FTO: variants seen among roughly 807,000 people sequenced by gnomAD.
FTO encodes FTO alpha-ketoglutarate dependent dioxygenase, also known as alpha-ketoglutarate-dependent dioxygenase FTO.
Under a neutral mutation model 63.9 loss-of-function variants are expected in FTO, and 47 were observed. The ratio of observed to expected loss-of-function variants is 0.74; its 90% CI spans 0.58 to 0.94. The LOEUF is 0.94. Among genes scored for constraint, FTO ranks in the 40% least tolerant of loss-of-function variants. FTO has a pLI of 0.00. For missense variants in FTO, 562 were observed against 618.1 expected (o/e 0.91, Z 0.96); for synonymous variants, 207 against 224.4 (o/e 0.92, Z 0.69).
intron 1 of FTO, among the ~76,000 whole-genome samples, chr16:53,716,017 A>G (rs980347260): frequency 3.3e-5 from 5 of 152,194 alleles, no homozygotes; most frequent in Non-Finnish European, 5.9e-5. Flanking sequence ...AAATAATTAT[A>G]ATAATGCAGT....
intron 1 of FTO, among the ~76,000 whole-genome samples, chr16:53,799,089 TA>T (rs776511919): frequency 9.9e-5 from 15 of 152,164 alleles, no homozygotes; most frequent in Non-Finnish European, 1.8e-4. Flanking sequence ...GGTTATTATA[TA>T]TTGTCCTTTT....
At chr16:54,094,076 G>A (rs1051269609) in intron 8 of FTO, among the ~76,000 whole-genome samples, 1 of 152,128 alleles carries the variant, frequency 6.6e-6, no homozygotes, top group African/African-American at 2.4e-5. Flanking sequence ...AGGAATGACA[G>A]ACCCACGCTT....
chr16:54,086,768 A>G (rs2086262267), intron 8 of FTO, among the ~76,000 whole-genome samples: 1 of 152,222 alleles, frequency 6.6e-6, no homozygotes, highest in African/African-American at 2.4e-5. Flanking sequence ...TCTTACAGTA[A>G]TTTGGACACA....
At chr16:54,091,995 G>T (rs1212631153) in intron 8 of FTO, among the ~76,000 whole-genome samples, 2 of 152,212 alleles carry the variant, frequency 1.3e-5, no homozygotes, top group Non-Finnish European at 2.9e-5. Context: ...AAAGAAAAAG[G>T]GCTGGGCACT....
chr16:53,856,401 A>G (rs914632707), intron 4 of FTO, among the ~76,000 whole-genome samples: 4 of 150,812 alleles, frequency 2.7e-5, no homozygotes, highest in African/African-American at 9.8e-5. Flanking sequence ...AATAAATAGG[A>G]CAGCACACAG....
chr16:53,841,820 C>G (rs2079486542), intron 3 of FTO, among the ~76,000 whole-genome samples: 1 of 152,146 alleles, frequency 6.6e-6, no homozygotes, highest in Non-Finnish European at 1.5e-5. Context: ...AGCTTTGCAT[C>G]TTTTTGTCTT....
intron 1 of FTO, among the ~76,000 whole-genome samples, chr16:53,753,264 A>C (rs189110231): frequency 0.035 from 5,254 of 151,468 alleles, 118 homozygotes; most frequent in Middle Eastern, 0.068. Context: ...AAAAAAAAAA[A>C]AAAACAAAAC....
intron 3 of FTO, among the ~76,000 whole-genome samples, chr16:53,835,508 G>A (rs1037640895): frequency 6.6e-6 from 1 of 151,968 alleles, no homozygotes; most frequent in African/African-American, 2.4e-5. Context: ...TTTTTTTTCA[G>A]AATCGTAGTG....
intron 7 of FTO, among the ~76,000 whole-genome samples, chr16:53,907,227 T>C (rs2081561700): frequency 6.6e-6 from 1 of 152,214 alleles, no homozygotes; most frequent in Non-Finnish European, 1.5e-5. Flanking sequence ...ATACCTAACC[T>C]ACCCAACATC....
chr16:53,878,159 G>A (rs1048504646), intron 5 of FTO, among the ~76,000 whole-genome samples: 3 of 150,040 alleles, frequency 2.0e-5, no homozygotes, highest in Non-Finnish European at 2.9e-5. Context: ...TTAGCTGGGC[G>A]TGGTGGTGCA....
intron 2 of FTO, among the ~76,000 whole-genome samples, chr16:53,825,024 C>T (rs1567331114): frequency 6.6e-6 from 1 of 152,174 alleles, no homozygotes; most frequent in Admixed American, 6.5e-5. Flanking sequence ...TCCAGTGACA[C>T]CAGTAGAATT....
chr16:53,816,031 G>A (rs913737938), intron 2 of FTO, among the ~76,000 whole-genome samples: 11 of 151,950 alleles, frequency 7.2e-5, no homozygotes, highest in South Asian at 2.1e-4. Flanking sequence ...ATAAACTCTC[G>A]TCATAGGGAG....
At chr16:53,714,288 A>C (rs2075843016) in intron 1 of FTO, among the ~76,000 whole-genome samples, 1 of 152,210 alleles carries the variant, frequency 6.6e-6, no homozygotes, top group South Asian at 2.1e-4. Context: ...TGGATCATTC[A>C]AGGCTGAGCC....
intron 1 of FTO, among the ~76,000 whole-genome samples, chr16:53,770,301 G>A (rs2077305234): frequency 6.6e-6 from 1 of 152,072 alleles, no homozygotes; most frequent in African/African-American, 2.4e-5. Flanking sequence ...GATTTTGTAA[G>A]TTGGAATTTG....
intron 3 of FTO, among the ~76,000 whole-genome samples, chr16:53,838,006 T>C (rs1416878721): frequency 1.3e-5 from 2 of 152,222 alleles, no homozygotes; most frequent in African/African-American, 4.8e-5. Context: ...AGCTGGGAAT[T>C]GATTGTGCTC....
chr16:53,716,740 AT>A (rs933188528), intron 1 of FTO, among the ~76,000 whole-genome samples: 7 of 151,594 alleles, frequency 4.6e-5, no homozygotes, highest in Non-Finnish European at 7.4e-5. Flanking sequence ...TCTTAATGAA[AT>A]TTTTTTTCTG....
At chr16:54,030,489 T>C (rs1243621561) in intron 8 of FTO, among the ~76,000 whole-genome samples, 1 of 152,172 alleles carries the variant, frequency 6.6e-6, no homozygotes, top group East Asian at 1.9e-4. Flanking sequence ...TGAGGAACAT[T>C]TGGACAATTT....
chr16:54,008,046 C>T (rs1234094433), intron 8 of FTO, among the ~76,000 whole-genome samples: 1 of 151,964 alleles, frequency 6.6e-6, no homozygotes, highest in Non-Finnish European at 1.5e-5. Flanking sequence ...AAGGATGTGC[C>T]CAAGAATCAG....
At position 54,074,950 on chromosome 16, in the gene FTO, G is replaced by GTGTGTA. The variant is rs1567555649; in HGVS notation, c.1365-36811_1365-36806dup. ...TGTGTGTGTGTGTGTGTGTGTGTGT[G>GTGTGTA]TGTGTAAACTGTTTTAGTTTGATAG... On this transcript the variant is annotated intron_variant, in intron 8 of 8. Transcript: ENST00000471389. Among the ~76,000 whole-genome samples the GTGTGTA allele has an allele frequency of 1.1e-3, 159 of 147,368 alleles. No homozygotes were observed. In the East Asian group the frequency reaches 0.018, roughly 17 times the overall value.
Sources: allele counts gnomAD v4.1 joint callset (sites outside exome capture counted in the v4.1 genomes callset), GRCh38; gene constraint gnomAD v4.1.1; transcripts MANE v1.5; gene names NCBI Gene and HGNC (gene_info 2026-07-23, HGNC 2026-07-21).